The following PDLIM5 variants were observed in gnomAD, a reference collection of about 807,000 sequenced individuals.
PDLIM5 encodes the protein PDZ and LIM domain 5.
PDLIM5 carries 34 observed loss-of-function variants against 64.2 expected under a neutral mutation model. The observed-to-expected ratio is 0.53, with a 90% CI of 0.40 to 0.71. The LOEUF (loss-of-function observed/expected upper bound fraction) is 0.71. PDLIM5 is among the 30% of genes least tolerant of loss of function. The pLI, the probability that PDLIM5 is intolerant of heterozygous loss-of-function variation, is 0.00. For missense variants in PDLIM5, 683 were observed against 733.6 expected (o/e 0.93, Z 0.80); for synonymous variants, 253 against 269.1 (o/e 0.94, Z 0.59).
rs1205442456 is a variant in PDLIM5 at position 94,465,108 on chromosome 4, G to GTTCTTAGTCTTTTTA, written c.96+9730_96+9744dup. Among the ~76,000 whole-genome samples, 18 of 152,082 alleles carry GTTCTTAGTCTTTTTA rather than the reference G, an allele frequency of 1.2e-4. No homozygotes were observed. In the East Asian group the frequency reaches 3.5e-3, roughly 29 times the overall value. On this transcript the variant is annotated intron_variant, in intron 2 of 12. Transcript: ENST00000317968. ...CAAAATGCCAATTTTGAACCCTGAA[G>GTTCTTAGTCTTTTTA]TTCTTAGTCTTTTTATTCTTTTTGC...
intron 11 of PDLIM5, among the ~76,000 whole-genome samples, chr4:94,660,812 C>T (rs1405338513): frequency 6.6e-6 from 1 of 152,052 alleles, no homozygotes; most frequent in East Asian, 1.9e-4. Flanking sequence ...TGTCAAAGGC[C>T]AAAGGGTGAA....
chr4:94,661,233 A>T (rs965099806), intron 11 of PDLIM5, among the ~76,000 whole-genome samples: 45 of 151,796 alleles, frequency 3.0e-4, no homozygotes, highest in Admixed American at 1.6e-3. Context: ...TACAAAAAAA[A>T]TTTTTTTTTA....
chr4:94,505,828 C>T (rs1391967232), intron 2 of PDLIM5, among the ~76,000 whole-genome samples: 3 of 152,206 alleles, frequency 2.0e-5, no homozygotes, highest in African/African-American at 7.2e-5. Flanking sequence ...AGGTGTTCAG[C>T]TGTCCAAAAG....
At chr4:94,545,791 C>G (rs1163760949) in intron 3 of PDLIM5, among the ~76,000 whole-genome samples, 4 of 152,098 alleles carry the variant, frequency 2.6e-5, no homozygotes, top group African/African-American at 7.2e-5. Context: ...TTGTGTAAGC[C>G]TATTTGTTAA....
chr4:94,475,398 A>G (rs1725235896), intron 2 of PDLIM5, among the ~76,000 whole-genome samples: 1 of 152,200 alleles, frequency 6.6e-6, no homozygotes. Context: ...CAGGCTCTTT[A>G]AGGTCTTACA....
At chr4:94,588,850 TAGA>T (rs1016422592) in intron 7 of PDLIM5, among the ~76,000 whole-genome samples, 4 of 152,234 alleles carry the variant, frequency 2.6e-5, no homozygotes, top group Non-Finnish European at 4.4e-5. Flanking sequence ...ACATTAATTT[TAGA>T]TAGTGATTGA....
In PDLIM5 at chr4:94,576,045, A is replaced by G. The variant is rs1292145572; in HGVS notation, c.710+11A>G. 6.2e-7 allele frequency: 1 copy of G among 1,605,184 alleles called. No individual in the cohort carries two copies. The highest frequency in any genetic ancestry group is 1.7e-5 in the Admixed American group (1 of 59,828). On this transcript the variant is annotated intron_variant, in intron 5 of 12. Coordinates refer to ENST00000317968, the MANE Select transcript of PDLIM5 (RefSeq NM_006457.5). The stretch of plus-strand genomic sequence containing the variant: ...TAAACAGCAAAATGGGTAGGTGGCT[A>G]AGGTGCTTTCTGCTCTTACTAAAAC...
intron 7 of PDLIM5, among the ~76,000 whole-genome samples, chr4:94,614,651 A>G: frequency 6.6e-6 from 1 of 152,200 alleles, no homozygotes; most frequent in East Asian, 1.9e-4. Flanking sequence ...CTTGGTAATA[A>G]CTTAGATTTC....
chr4:94,533,998 A>G (rs181406925), intron 3 of PDLIM5, among the ~76,000 whole-genome samples: 13 of 152,342 alleles, frequency 8.5e-5, no homozygotes, highest in Non-Finnish European at 1.8e-4. Flanking sequence ...GGATGCAAAC[A>G]TGTTTACTGC....
At chr4:94,622,371 G>A (rs1418877883) in intron 8 of PDLIM5, among the ~76,000 whole-genome samples, 1 of 152,082 alleles carries the variant, frequency 6.6e-6, no homozygotes, top group African/African-American at 2.4e-5. Context: ...GTAATGAAAT[G>A]TTTTTCACAA....
At chr4:94,482,739 A>G (rs1336822013) in intron 2 of PDLIM5, among the ~76,000 whole-genome samples, 2 of 151,994 alleles carry the variant, frequency 1.3e-5, no homozygotes, top group Admixed American at 1.3e-4. Context: ...AAATTAAAAA[A>G]TTTGCTGAGC....
chr4:94,563,572 C>T (rs1303432068), intron 3 of PDLIM5, among the ~76,000 whole-genome samples: 2 of 152,116 alleles, frequency 1.3e-5, no homozygotes, highest in Non-Finnish European at 2.9e-5. Flanking sequence ...TACTTATCCC[C>T]TTAAATTTTA....
chr4:94,577,033 A>G (rs1301110653), intron 5 of PDLIM5, among the ~76,000 whole-genome samples: 1 of 152,222 alleles, frequency 6.6e-6, no homozygotes, highest in Non-Finnish European at 1.5e-5. Flanking sequence ...CAAAGAAAAA[A>G]GTAAAGAAAA....
At chr4:94,528,942 G>A (rs1042566292) in intron 3 of PDLIM5, among the ~76,000 whole-genome samples, 2 of 152,176 alleles carry the variant, frequency 1.3e-5, no homozygotes, top group Non-Finnish European at 2.9e-5. Flanking sequence ...AAAGCAGAGC[G>A]AAGAGCCAGT....
chr4:94,610,549 G>A lies in PDLIM5; in HGVS notation c.921-7455G>A, dbSNP rs192421051. 7.2e-5 allele frequency among the ~76,000 whole-genome samples: 11 copies of A among 152,184 alleles called. No individual in the cohort carries two copies. In the East Asian group the frequency reaches 1.2e-3, roughly 16 times the overall value. ...TTTATGTATGGTATTTCTCAGTTGCGTGAATTATTACATGTTGTGTGCTTA... is the reference window on the plus strand; with the variant it reads ...TTTATGTATGGTATTTCTCAGTTGCATGAATTATTACATGTTGTGTGCTTA... On this transcript the variant is annotated intron_variant, in intron 7 of 12. Coordinates refer to ENST00000317968, the MANE Select transcript of PDLIM5 (RefSeq NM_006457.5).
At chr4:94,506,065 A>T (rs1052390702) in intron 2 of PDLIM5, among the ~76,000 whole-genome samples, 4 of 152,166 alleles carry the variant, frequency 2.6e-5, no homozygotes, top group Non-Finnish European at 5.9e-5. Flanking sequence ...TCATTAGCAT[A>T]CAAAAGACAC....
chr4:94,504,410 C>A (rs1245919032), intron 2 of PDLIM5, among the ~76,000 whole-genome samples: 3 of 152,090 alleles, frequency 2.0e-5, no homozygotes, highest in Non-Finnish European at 4.4e-5. Context: ...CCTCAGCCTC[C>A]CGAGTAGCTG....
rs1281275875 is a variant in PDLIM5 at position 94,663,974 on chromosome 4, T to C, written c.1702-4T>C. 6.3e-7 allele frequency: 1 copy of C among 1,595,638 alleles called. No individual in the cohort carries two copies. Among genetic ancestry groups the C allele is most frequent in the South Asian group, 1.1e-5 (1 of 89,904 alleles). On this transcript the variant is annotated splice_region_variant and splice_polypyrimidine_tract_variant and intron_variant, in intron 12 of 12. Coordinates refer to ENST00000317968, the MANE Select transcript of PDLIM5 (RefSeq NM_006457.5). ...ATATCTCTTAAATGCTGCTTCTTTT[T>C]CAGGTGTGTTGTGAAAGTTTGGAAG...
chr4:94,608,059 G>C, intron 7 of PDLIM5: 1 of 1,527,638 alleles, frequency 6.5e-7, no homozygotes, highest in Non-Finnish European at 8.8e-7. Context: ...GAAAACTTAG[G>C]TTTGACAGTG....
Sources: gnomAD v4.1 joint callset for allele counts (sites outside exome capture counted in the v4.1 genomes callset) on GRCh38, gnomAD v4.1.1 for gene constraint, MANE v1.5 for transcripts, NCBI Gene and HGNC (gene_info 2026-07-23, HGNC 2026-07-21) for gene names.